Variants in KIN observed in about 807,000 individuals in gnomAD.
KIN encodes Kin17 DNA and RNA binding protein.
Under a neutral mutation model 63.0 loss-of-function variants are expected in KIN, and 47 were observed. The observed-to-expected ratio is 0.75, with a 90% confidence interval of 0.59 to 0.95. The LOEUF (loss-of-function observed/expected upper bound fraction) is 0.95. Ranked by LOEUF, KIN falls within the 40% of genes least tolerant of loss-of-function variation. The pLI is 0.00. For synonymous variants in KIN, 160 were observed against 157.7 expected, an observed-to-expected ratio of 1.01 and a Z score of -0.11; for missense variants, 408 against 460.9, an observed-to-expected ratio of 0.89 and a Z score of 1.05.
chr10:7,755,196 G>C lies in KIN; in HGVS notation c.*884C>G, dbSNP rs1214942254. 6.6e-6 allele frequency: 1 copy of C among 152,230 alleles called. No individual in the cohort carries two copies. Among genetic ancestry groups the C allele is most frequent in the Non-Finnish European group, 1.5e-5 (1 of 68,040 alleles). The allele number at this position is 152,230 out of a possible 1,614,324, so 9.4% of individuals were successfully genotyped here. A position where few individuals can be genotyped will look rare whatever the true frequency, so the allele number is the denominator to read the frequency against. On this transcript the variant is annotated 3_prime_UTR_variant, in exon 13 of 13. Coordinates refer to ENST00000379562, the MANE Select transcript of KIN (RefSeq NM_012311.4). ...TTCACATAAAATCCTGTAAATGGGTGATCATGGCAGCATTATTCACAATAG... is the reference window on the plus strand; with the variant it reads ...TTCACATAAAATCCTGTAAATGGGTCATCATGGCAGCATTATTCACAATAG...
intron 8 of KIN, among the ~76,000 whole-genome samples, chr10:7,767,507 A>T (rs759484980): frequency 4.5e-4 from 68 of 152,272 alleles, no homozygotes; most frequent in Admixed American, 2.2e-3. Context: ...TCATCTAAAC[A>T]TTATACTTGA....
At chr10:7,784,279 T>C (rs886140472) in intron 1 of KIN, among the ~76,000 whole-genome samples, 4 of 152,144 alleles carry the variant, frequency 2.6e-5, no homozygotes, top group African/African-American at 9.7e-5. Context: ...AAAAATTGCA[T>C]CTCAGTTTAA....
chr10:7,766,241 C>T (rs937006619), intron 8 of KIN, 138 bp from the exon 9 acceptor site: 5 of 533,328 alleles, frequency 9.4e-6, no homozygotes, highest in African/African-American at 7.9e-5. Context: ...AATTTGCGAG[C>T]TCTGATAAAT....
intron 6 of KIN, among the ~76,000 whole-genome samples, 187 bp from the exon 7 acceptor site, chr10:7,775,078 G>A (rs1458892019): frequency 3.3e-5 from 5 of 152,140 alleles, no homozygotes; most frequent in Non-Finnish European, 7.3e-5. Flanking sequence ...CATAGAACAG[G>A]AGGAACTTGC....
rs1376075422 is a variant in KIN at position 7,754,217 on chromosome 10, G to A, written c.*1863C>T. 76 of 390,718 alleles carry A rather than the reference G, an allele frequency of 1.9e-4. 1 individual carries two copies. In the Admixed American group the frequency reaches 2.1e-3, roughly 11 times the overall value. The allele number at this position is 390,718 out of a possible 1,614,324, so 24.2% of individuals were successfully genotyped here. A position where few individuals can be genotyped will look rare whatever the true frequency, so the allele number is the denominator to read the frequency against. On this transcript the variant is annotated 3_prime_UTR_variant, in exon 13 of 13. Coordinates refer to ENST00000379562, the MANE Select transcript of KIN (RefSeq NM_012311.4). The stretch of plus-strand genomic sequence containing the variant: ...ATGGTAGTGCATGCCTGTAGTCCCA[G>A]CTACTCGGGAGGCTGAGGTGGGAGA...
At chr10:7,779,916 G>T in intron 4 of KIN, 140 bp downstream of exon 4, 1 of 715,708 alleles carries the variant, frequency 1.4e-6, no homozygotes, top group Non-Finnish European at 2.3e-6. Context: ...CAGAAATTAT[G>T]CTCCCAAAAT....
intron 7 of KIN, among the ~76,000 whole-genome samples, chr10:7,769,964 T>C (rs1835633663): frequency 6.6e-6 from 1 of 152,176 alleles, no homozygotes; most frequent in African/African-American, 2.4e-5. Flanking sequence ...GGAGTCTCAC[T>C]CTGTCGCCCA....
In KIN at chr10:7,754,631, C is replaced by CAG. The variant is rs1835297758; in HGVS notation, c.*1447_*1448dup. ...TGGGTGACAGAGTGAGACTCTGTGT[C>CAG]AGAAAAAAAAAAAAAAAGAAAAAGA... On this transcript the variant is annotated 3_prime_UTR_variant, in exon 13 of 13. Transcript: ENST00000379562. The CAG allele has an allele frequency of 8.0e-6, 1 of 125,706 alleles. No individual in the cohort carries two copies. The highest frequency in any genetic ancestry group is 2.9e-5 in the African/African-American group (1 of 34,592). The allele number at this position is 125,706 out of a possible 1,614,324, so 7.8% of individuals were successfully genotyped here.
intron 9 of KIN, among the ~76,000 whole-genome samples, chr10:7,764,836 T>C (rs1008384549): frequency 1.3e-5 from 2 of 152,188 alleles, no homozygotes; most frequent in Admixed American, 1.3e-4. Context: ...AGTAGATCTG[T>C]TAAAAATATT....
Position 7,754,192 on chromosome 10 carries a change from A to T in KIN, c.*1888T>A, listed in dbSNP as rs777155701. 14 of 428,166 alleles carry T rather than the reference A, an allele frequency of 3.3e-5. No homozygotes were observed. The highest frequency in any genetic ancestry group is 6.1e-5 in the Non-Finnish European group (13 of 214,472). 26.5% of individuals were successfully genotyped at this position (428,166 alleles called of 1,614,324 possible). On this transcript the variant is annotated 3_prime_UTR_variant, in exon 13 of 13. Coordinates refer to ENST00000379562, the MANE Select transcript of KIN (RefSeq NM_012311.4). ...TAAAAATCAAAAAAATTAGCCAGGC[A>T]TGGTAGTGCATGCCTGTAGTCCCAG...
chr10:7,779,094 G>T, intron 4 of KIN, 75 bp from the exon 5 acceptor site: 2 of 1,506,242 alleles, frequency 1.3e-6, no homozygotes, highest in African/African-American at 1.4e-5. Flanking sequence ...TTTCACCTCT[G>T]CATATTTATT....
At chr10:7,762,697 A>G (rs994304982) in intron 10 of KIN, 141 bp from the exon 11 acceptor site, 1 of 526,030 alleles carries the variant, frequency 1.9e-6, no homozygotes, top group African/African-American at 1.9e-5. Flanking sequence ...ACTATTTTCT[A>G]GATTCCATAC....
chr10:7,758,944 A>G (rs1835387164), intron 12 of KIN, among the ~76,000 whole-genome samples: 1 of 152,140 alleles, frequency 6.6e-6, no homozygotes, highest in Admixed American at 6.6e-5. Context: ...GAAAAAAAAA[A>G]AGGAGAAAAG....
At chr10:7,768,753 C>T (rs888309293) in intron 8 of KIN, among the ~76,000 whole-genome samples, 22 of 152,108 alleles carry the variant, frequency 1.4e-4, no homozygotes, top group African/African-American at 4.6e-4. Context: ...CATGGTGGCT[C>T]ATGCCTGTAA....
chr10:7,763,670 C>T, intron 10 of KIN, 53 bp downstream of exon 10: 2 of 966,394 alleles, frequency 2.1e-6, no homozygotes, highest in Non-Finnish European at 3.2e-6. Flanking sequence ...AATAGCTTCA[C>T]TCAGTGACCC....
At chr10:7,775,889 C>G in intron 5 of KIN, 90 bp from the exon 6 acceptor site, 1 of 730,072 alleles carries the variant, frequency 1.4e-6, no homozygotes. Context: ...TACCTGTGTT[C>G]CCAGGCAGCT....
At chr10:7,760,109 T>C in intron 11 of KIN, 119 bp from the exon 12 acceptor site, 1 of 521,404 alleles carries the variant, frequency 1.9e-6, no homozygotes, top group South Asian at 3.1e-5. Context: ...CCCTTTTTCT[T>C]AGAAGTTCTC....
intron 12 of KIN, among the ~76,000 whole-genome samples, chr10:7,758,411 A>G (rs1835374418): frequency 6.6e-6 from 1 of 152,172 alleles, no homozygotes; most frequent in African/African-American, 2.4e-5. Flanking sequence ...TTGCTTTGCA[A>G]TCAAACAGAA....
At chr10:7,780,013 T>A (rs376663956) in intron 4 of KIN, 43 bp downstream of exon 4, 234 of 1,591,982 alleles carry the variant, frequency 1.5e-4, no homozygotes, top group Non-Finnish European at 1.9e-4. Context: ...CTATGAAGAT[T>A]AGAAGTGGGA....
Sources: gnomAD v4.1 joint callset for allele counts (sites outside exome capture counted in the v4.1 genomes callset) on GRCh38, gnomAD v4.1.1 for gene constraint, MANE v1.5 for transcripts, NCBI Gene and HGNC (gene_info 2026-07-23, HGNC 2026-07-21) for gene names.